Variants in PIGN observed in about 807,000 individuals in gnomAD.
PIGN encodes the protein phosphatidylinositol glycan anchor biosynthesis class N.
In PIGN, 117 loss-of-function variants were observed where a neutral mutation model predicts 125.4. The ratio of observed to expected loss-of-function variants is 0.93; its 90% CI spans 0.80 to 1.09. The LOEUF (loss-of-function observed/expected upper bound fraction) is 1.09. Among genes scored for constraint, PIGN ranks in the 50% least tolerant of loss-of-function variants. The probability of loss-of-function intolerance (pLI) is 0.00; values close to 1 mark genes in which losing one functional copy is unlikely to be tolerated. For missense variants in PIGN, 1,075 were observed against 1,094.9 expected (o/e 0.98, Z 0.26); for synonymous variants, 392 against 377.8 (o/e 1.04, Z -0.44).
chr18:62,070,767 CTT>C (rs1241972080), intron 30 of PIGN, among the ~76,000 whole-genome samples: 1 of 152,000 alleles, frequency 6.6e-6, no homozygotes, highest in African/African-American at 2.4e-5. Flanking sequence ...AGGAACCTGA[CTT>C]TTTGTTCAGA....
intron 23 of PIGN, among the ~76,000 whole-genome samples, chr18:62,095,452 G>A (rs1173352403): frequency 7.0e-6 from 1 of 142,000 alleles, no homozygotes. Flanking sequence ...TGTGAGATAT[G>A]TAAGATTAAA....
rs1481216829 is a variant in PIGN at position 62,154,554 on chromosome 18, A to G, written c.540T>C (p.Asp180=). 4 of 1,502,960 alleles carry G rather than the reference A, an allele frequency of 2.7e-6. No homozygotes were observed. Among genetic ancestry groups the G allele is most frequent in the Non-Finnish European group, 3.7e-6 (4 of 1,080,446 alleles). The allele number at this position is 1,502,960 out of a possible 1,614,324, so 93.1% of individuals were successfully genotyped here. ...ACTCAATAGCACAAACCTTAACATTATCAAAAACCCACGTATCCAGTTTTG... is the reference window on the plus strand; with the variant it reads ...ACTCAATAGCACAAACCTTAACATTGTCAAAAACCCACGTATCCAGTTTTG... ...DATKLDTWVF[D]NVKDFFHHAR... is the part of the protein sequence containing the mutation. Residue 180 remains aspartate, a synonymous_variant, in exon 7 of 31, where the codon GAT becomes GAC. Coordinates refer to ENST00000640252, the MANE Select transcript of PIGN (RefSeq NM_176787.5).
At chr18:62,058,428 T>C (rs747466586) in intron 30 of PIGN, among the ~76,000 whole-genome samples, 5 of 152,204 alleles carry the variant, frequency 3.3e-5, no homozygotes, top group Non-Finnish European at 2.9e-5. Context: ...CTTTTGCTAT[T>C]GAAATAGCAT....
Position 62,045,989 on chromosome 18 carries a change from G to C in PIGN, c.2673-10C>G. The C allele has an allele frequency of 6.2e-7, 1 of 1,610,598 alleles. No individual in the cohort carries two copies. The highest frequency in any genetic ancestry group is 1.1e-5 in the South Asian group (1 of 90,216). ...CACATAGTGGCTGATGCTGCAAAAG[G>C]AGAAAAAGATGTTACAGGCAGAGAG... On this transcript the variant is annotated splice_polypyrimidine_tract_variant and intron_variant, in intron 30 of 30. Coordinates refer to ENST00000640252, the MANE Select transcript of PIGN (RefSeq NM_176787.5).
chr18:62,168,684 T>G (rs1246723145), intron 1 of PIGN, among the ~76,000 whole-genome samples: 2 of 152,142 alleles, frequency 1.3e-5, no homozygotes, highest in Non-Finnish European at 2.9e-5. Context: ...TGTGAAGTGA[T>G]CCAATAATGT....
chr18:62,082,446 T>C (rs1044555568), intron 28 of PIGN, among the ~76,000 whole-genome samples: 4 of 152,086 alleles, frequency 2.6e-5, no homozygotes, highest in Non-Finnish European at 5.9e-5. Context: ...AATACTCTAA[T>C]AACATTTTAT....
At chr18:62,110,017 T>C in intron 16 of PIGN, 44 bp from the exon 17 acceptor site, 1 of 1,591,302 alleles carries the variant, frequency 6.3e-7, no homozygotes, top group Non-Finnish European at 8.6e-7. Flanking sequence ...AAACCAATGG[T>C]AATTGATAGG....
At position 62,044,340 on chromosome 18, in the gene PIGN, T is replaced by C. The variant is rs1343675181; in HGVS notation, c.*1516A>G. On this transcript the variant is annotated 3_prime_UTR_variant, in exon 31 of 31. Transcript: ENST00000640252. The stretch of plus-strand genomic sequence containing the variant: ...TGATAAGTGTTTATACAGTCAGTTT[T>C]TTCTGATGTGTGAAAAAAACTGATA... 1.3e-5 allele frequency: 2 copies of C among 152,230 alleles called. No individual in the cohort carries two copies. The highest frequency in any genetic ancestry group is 2.9e-5 in the Non-Finnish European group (2 of 68,032). 9.4% of individuals were successfully genotyped at this position (152,230 alleles called of 1,614,324 possible). A position where few individuals can be genotyped will look rare whatever the true frequency, so the allele number is the denominator to read the frequency against.
downstream of PIGN, among the ~76,000 whole-genome samples, chr18:62,036,756 T>C (rs1486471201): frequency 6.6e-6 from 1 of 152,192 alleles, no homozygotes; most frequent in Non-Finnish European, 1.5e-5. Flanking sequence ...AGAATCCTTA[T>C]CTTAGCAGAT....
chr18:62,149,123 TAGA>T (rs936085480), intron 7 of PIGN, among the ~76,000 whole-genome samples: 9 of 152,276 alleles, frequency 5.9e-5, no homozygotes, highest in African/African-American at 2.2e-4. Context: ...CCTTTAACTG[TAGA>T]AGATGTTAAC....
At chr18:62,060,191 T>C (rs1464533470) in intron 30 of PIGN, among the ~76,000 whole-genome samples, 3 of 152,228 alleles carry the variant, frequency 2.0e-5, no homozygotes, top group Non-Finnish European at 2.9e-5. Context: ...CATCTCGCCA[T>C]AGCAGAGTTA....
At chr18:62,086,201 C>G (rs1171251385) in intron 25 of PIGN, among the ~76,000 whole-genome samples, 1 of 152,046 alleles carries the variant, frequency 6.6e-6, no homozygotes, top group Non-Finnish European at 1.5e-5. Context: ...AGGTAAAGAA[C>G]AGTGAGAAAA....
intron 28 of PIGN, among the ~76,000 whole-genome samples, chr18:62,081,315 G>T (rs1257570466): frequency 1.3e-5 from 2 of 152,104 alleles, no homozygotes; most frequent in African/African-American, 4.8e-5. Flanking sequence ...AGGGTGGCTG[G>T]ACTTCAGCTT....
At chr18:62,026,580 G>A (rs2144875578) in intron 23 of PIGN, among the ~76,000 whole-genome samples, 1 of 152,332 alleles carries the variant, frequency 6.6e-6, no homozygotes, top group African/African-American at 2.4e-5. Context: ...TCAAGTTGGA[G>A]AGTAATCTAC....
intron 14 of PIGN, among the ~76,000 whole-genome samples, chr18:62,118,921 T>C (rs537184083): frequency 9.7e-4 from 143 of 148,036 alleles, no homozygotes; most frequent in Middle Eastern, 7.2e-3. Context: ...CTCATTTGTA[T>C]AGAACAAGAG....
Position 62,095,847 on chromosome 18 carries a change from C to T in PIGN, c.2180+1G>A. 1 of 1,562,854 alleles carries T rather than the reference C, an allele frequency of 6.4e-7. No individual in the cohort carries two copies. The highest frequency in any genetic ancestry group is 2.2e-5 in the East Asian group (1 of 44,552). On this transcript the variant is annotated splice_donor_variant, in intron 23 of 30. Coordinates refer to ENST00000640252, the MANE Select transcript of PIGN (RefSeq NM_176787.5). LOFTEE classifies it high-confidence loss of function. ...AAATTAAATTGTTAAAAAGTTTATA[C>T]CCTGTGCTTAGAAGTAGGTAGGTTG... is the stretch of plus-strand genomic sequence containing the variant.
intron 14 of PIGN, among the ~76,000 whole-genome samples, chr18:62,135,324 T>C (rs1233074313): frequency 6.6e-6 from 1 of 152,148 alleles, no homozygotes; most frequent in Non-Finnish European, 1.5e-5. Flanking sequence ...TTTGACCATA[T>C]TGCAGGCTTT....
downstream of PIGN, among the ~76,000 whole-genome samples, chr18:62,040,151 G>A (rs1204318495): frequency 4.6e-5 from 3 of 65,770 alleles, no homozygotes; most frequent in South Asian, 8.3e-4. Context: ...CCAGGGTGCC[G>A]CAACTCATGT....
intron 1 of PIGN, among the ~76,000 whole-genome samples, chr18:62,171,538 G>A (rs1429801377): frequency 6.6e-6 from 1 of 152,156 alleles, no homozygotes; most frequent in Non-Finnish European, 1.5e-5. Context: ...TCCTTGCCTT[G>A]TTTCCAATAT....
Sources: gnomAD v4.1 joint callset for allele counts (sites outside exome capture counted in the v4.1 genomes callset) on GRCh38, gnomAD v4.1.1 for gene constraint, MANE v1.5 for transcripts, NCBI Gene and HGNC (gene_info 2026-07-23, HGNC 2026-07-21) for gene names.